ARFGAP3: variants seen among roughly 807,000 people sequenced by gnomAD.
The protein encoded by ARFGAP3 is ARF GTPase activating protein 3.
Under a neutral mutation model 75.0 loss-of-function variants are expected in ARFGAP3, and 72 were observed. That is an observed-to-expected ratio of 0.96 (90% CI 0.79 to 1.17). ARFGAP3 has a LOEUF of 1.17. Among genes scored for constraint, ARFGAP3 ranks in the 50% most tolerant of loss-of-function variants. ARFGAP3 has a pLI of 0.00. For missense variants in ARFGAP3, 620 were observed against 626.6 expected (o/e 0.99, Z 0.11); for synonymous variants, 221 against 217.9 (o/e 1.01, Z -0.13).
intron 13 of ARFGAP3, among the ~76,000 whole-genome samples, chr22:42,808,163 C>A (rs954983400): frequency 6.6e-6 from 1 of 151,732 alleles, no homozygotes; most frequent in Non-Finnish European, 1.5e-5. Context: ...TTTGGGAGGC[C>A]GAGGCAGCCA....
intron 15 of ARFGAP3, 142 bp from the exon 16 acceptor site, chr22:42,797,747 C>A: frequency 6.4e-7 from 1 of 1,566,430 alleles, no homozygotes; most frequent in Non-Finnish European, 8.6e-7. Flanking sequence ...CGAGGGTGTG[C>A]TCATCTGGAA....
At chr22:42,798,489 G>A (rs1192013028) in intron 15 of ARFGAP3, among the ~76,000 whole-genome samples, 4 of 152,248 alleles carry the variant, frequency 2.6e-5, no homozygotes, top group Non-Finnish European at 2.9e-5. Context: ...ACTCTCATGC[G>A]CAAGTATGCG....
Position 42,797,461 on chromosome 22 carries a change from C to CAT in ARFGAP3, c.*125_*126dup. The CAT allele has an allele frequency of 8.5e-7, 1 of 1,176,098 alleles. No homozygotes were observed. The allele number at this position is 1,176,098 out of a possible 1,614,324, so 72.9% of individuals were successfully genotyped here. A position where few individuals can be genotyped will look rare whatever the true frequency, so the allele number is the denominator to read the frequency against. On this transcript the variant is annotated 3_prime_UTR_variant, in exon 16 of 16. Coordinates refer to ENST00000263245, the MANE Select transcript of ARFGAP3 (RefSeq NM_014570.5). Reference sequence around the variant, plus strand: ...CAAAAGAAATATTAAAAATCAGAAACATATACCATATGAAAAAGTAGCAAA... The same window carrying CAT: ...CAAAAGAAATATTAAAAATCAGAAACATATATACCATATGAAAAAGTAGCAAA...
Position 42,799,045 on chromosome 22 carries a change from TG to T in ARFGAP3, c.1526del (p.Ser509Ter), listed in dbSNP as rs1220943463. 3.1e-6 allele frequency: 5 copies of T among 1,614,154 alleles called. No individual in the cohort carries two copies. Among genetic ancestry groups the T allele is most frequent in the Non-Finnish European group, 4.2e-6 (5 of 1,180,016 alleles). ...LSVFANGVVT[S>X]IQDRYGS is the part of the protein sequence containing the mutation. ...ACTGCCCCATTCCACTGACCTGAAT[TG>T]AAGTCACGACTCCATTAGCAAAGAC... On this transcript the variant is annotated frameshift_variant, in exon 15 of 16. Transcript: ENST00000263245. LOFTEE classifies it high-confidence loss of function.
rs1926867255 is a variant in ARFGAP3 at position 42,843,278 on chromosome 22, ACC to A, written c.189-2264_189-2263del. 8.6e-5 allele frequency among the ~76,000 whole-genome samples: 13 copies of A among 151,926 alleles called. No individual in the cohort carries two copies. In the South Asian group the frequency reaches 2.7e-3, roughly 32 times the overall value. On this transcript the variant is annotated intron_variant, in intron 2 of 15. Coordinates refer to ENST00000263245, the MANE Select transcript of ARFGAP3 (RefSeq NM_014570.5). ...AATATGACACAGATCCTCTCCTTTC[ACC>A]CTTACTTCTCTTTATTTTCCTATGC...
At chr22:42,848,339 G>A (rs1927116494) in intron 1 of ARFGAP3, among the ~76,000 whole-genome samples, 1 of 152,144 alleles carries the variant, frequency 6.6e-6, no homozygotes, top group South Asian at 2.1e-4. Flanking sequence ...CTCCTGAGTA[G>A]CTGGGACTAC....
At chr22:42,801,858 G>T (rs1348870492) in intron 14 of ARFGAP3, among the ~76,000 whole-genome samples, 1 of 152,116 alleles carries the variant, frequency 6.6e-6, no homozygotes, top group Non-Finnish European at 1.5e-5. Context: ...GTGCAAGGGG[G>T]CCTAACCAGG....
chr22:42,836,323 G>A (rs1262133627), intron 3 of ARFGAP3, among the ~76,000 whole-genome samples: 1 of 152,048 alleles, frequency 6.6e-6, no homozygotes, highest in Non-Finnish European at 1.5e-5. Flanking sequence ...CTAGGCTGGA[G>A]GGTAGTGTGG....
At chr22:42,847,740 A>C in intron 1 of ARFGAP3, 108 bp from the exon 2 acceptor site, 1 of 1,335,680 alleles carries the variant, frequency 7.5e-7, no homozygotes, top group Non-Finnish European at 9.7e-7. Flanking sequence ...TTTACAATGT[A>C]AACTTTGGGA....
Position 42,797,575 on chromosome 22 carries a change from C to T in ARFGAP3, c.*13G>A, listed in dbSNP as rs1180135847. The stretch of plus-strand genomic sequence containing the variant: ...AGGAATTTCTCCAGGAAATACACAT[C>T]ATGACTTCAGTATTAAGAACCGTAG... On this transcript the variant is annotated 3_prime_UTR_variant, in exon 16 of 16. Transcript: ENST00000263245. 6.2e-7 allele frequency: 1 copy of T among 1,614,028 alleles called. No homozygotes were observed. Among genetic ancestry groups the T allele is most frequent in the African/African-American group, 1.3e-5 (1 of 74,938 alleles).
chr22:42,814,990 G>T (rs910392696), intron 11 of ARFGAP3, among the ~76,000 whole-genome samples: 4 of 152,108 alleles, frequency 2.6e-5, no homozygotes, highest in Non-Finnish European at 5.9e-5. Flanking sequence ...CTCCTGCCTT[G>T]GCTTCCCAAA....
chr22:42,818,407 G>C (rs1340240413), intron 9 of ARFGAP3, among the ~76,000 whole-genome samples: 1 of 152,128 alleles, frequency 6.6e-6, no homozygotes, highest in African/African-American at 2.4e-5. Flanking sequence ...CATTTAAAAT[G>C]GGATAGTGAC....
At chr22:42,827,891 C>G (rs1217655024) in intron 6 of ARFGAP3, among the ~76,000 whole-genome samples, 1 of 152,118 alleles carries the variant, frequency 6.6e-6, no homozygotes, top group African/African-American at 2.4e-5. Flanking sequence ...CGAGACCTCC[C>G]ACCTTGGCCT....
intron 5 of ARFGAP3, among the ~76,000 whole-genome samples, chr22:42,833,608 T>C (rs925310489): frequency 3.3e-5 from 5 of 152,140 alleles, no homozygotes; most frequent in African/African-American, 1.2e-4. Flanking sequence ...ATACAAAAAT[T>C]AGCCAGGTGT....
intron 3 of ARFGAP3, among the ~76,000 whole-genome samples, chr22:42,839,035 G>C (rs1265995686): frequency 6.6e-6 from 1 of 150,698 alleles, no homozygotes; most frequent in South Asian, 2.1e-4. Flanking sequence ...GCATGAACCT[G>C]GGAGGCAGAG....
At chr22:42,810,995 G>T (rs779413536) in intron 11 of ARFGAP3, 51 bp from the exon 12 acceptor site, 2 of 1,591,290 alleles carry the variant, frequency 1.3e-6, no homozygotes, top group Admixed American at 1.8e-5. Flanking sequence ...GTTGACACTC[G>T]TCCTGGGCTC....
chr22:42,826,819 G>T, intron 7 of ARFGAP3, 121 bp downstream of exon 7: 1 of 645,370 alleles, frequency 1.5e-6, no homozygotes, highest in South Asian at 2.6e-5. Context: ...CTTATTAACA[G>T]ATTCGGTCAT....
At chr22:42,839,521 C>T (rs2146572279) in intron 3 of ARFGAP3, among the ~76,000 whole-genome samples, 1 of 150,152 alleles carries the variant, frequency 6.7e-6, no homozygotes, top group East Asian at 2.0e-4. Context: ...TCTCTTGAAC[C>T]CGGGAGGTGG....
intron 7 of ARFGAP3, among the ~76,000 whole-genome samples, chr22:42,825,878 AAAGAT>A (rs1276685853): frequency 2.0e-5 from 3 of 152,184 alleles, no homozygotes; most frequent in African/African-American, 2.4e-5. Flanking sequence ...TTTTTCATAT[AAAGAT>A]AAGAATGTGC....
Sources: allele counts gnomAD v4.1 joint callset (sites outside exome capture counted in the v4.1 genomes callset), GRCh38; gene constraint gnomAD v4.1.1; transcripts MANE v1.5; gene names NCBI Gene and HGNC (gene_info 2026-07-23, HGNC 2026-07-21).